The following GRM8 variants were observed in gnomAD, a reference collection of about 807,000 sequenced individuals.
The protein encoded by GRM8 is metabotropic glutamate receptor 8.
GRM8 carries 47 observed loss-of-function variants against 87.2 expected under a neutral mutation model. That is an observed-to-expected ratio of 0.54 (90% CI 0.43 to 0.69). The LOEUF is 0.69. Ranked by LOEUF, GRM8 falls within the 30% of genes least tolerant of loss-of-function variation. The pLI is 0.00. For missense variants in GRM8, 1,019 were observed against 1,139.2 expected, an observed-to-expected ratio of 0.89 and a Z score of 1.52; for synonymous variants, 396 against 404.5, an observed-to-expected ratio of 0.98 and a Z score of 0.25.
chr7:126,516,219 T>A (rs1812138043), intron 9 of GRM8, among the ~76,000 whole-genome samples: 1 of 151,976 alleles, frequency 6.6e-6, no homozygotes, highest in Admixed American at 6.6e-5. Flanking sequence ...TAATTATATT[T>A]TAGGATGCCA....
chr7:126,603,858 G>A (rs1798074246), intron 8 of GRM8, among the ~76,000 whole-genome samples: 1 of 152,014 alleles, frequency 6.6e-6, no homozygotes, highest in South Asian at 2.1e-4. Context: ...AACTGTCAAA[G>A]CAAGCAAAGG....
chr7:126,939,444 C>G (rs1012976083), intron 3 of GRM8, among the ~76,000 whole-genome samples: 1 of 152,170 alleles, frequency 6.6e-6, no homozygotes, highest in Non-Finnish European at 1.5e-5. Flanking sequence ...CATGGAAAAA[C>G]AATATCTCCC....
chr7:126,804,852 G>T (rs1401244276), intron 6 of GRM8, among the ~76,000 whole-genome samples: 4 of 152,042 alleles, frequency 2.6e-5, no homozygotes, highest in Admixed American at 2.6e-4. Context: ...ATAATTTGTA[G>T]GACTTTCAGA....
chr7:126,639,983 G>C (rs1479137047), intron 7 of GRM8, among the ~76,000 whole-genome samples: 1 of 152,138 alleles, frequency 6.6e-6, no homozygotes, highest in Admixed American at 6.6e-5. Context: ...TGAAATAAAA[G>C]CACTCCATGT....
intron 6 of GRM8, among the ~76,000 whole-genome samples, chr7:126,789,768 T>G (rs1821072723): frequency 1.3e-5 from 2 of 152,198 alleles, no homozygotes; most frequent in Non-Finnish European, 2.9e-5. Context: ...CAAGTTGCTT[T>G]TTGCTACTCC....
chr7:126,739,839 C>T (rs1164462082), intron 7 of GRM8, among the ~76,000 whole-genome samples: 1 of 151,928 alleles, frequency 6.6e-6, no homozygotes, highest in African/African-American at 2.4e-5. Context: ...ACACAAATAC[C>T]ATTGTGTATC....
At chr7:127,057,889 G>A (rs1820161281) in intron 3 of GRM8, among the ~76,000 whole-genome samples, 2 of 151,794 alleles carry the variant, frequency 1.3e-5, no homozygotes, top group Admixed American at 6.6e-5. Flanking sequence ...TTCTAAAGCT[G>A]CCTTGCAAGA....
intron 9 of GRM8, among the ~76,000 whole-genome samples, chr7:126,500,896 A>G (rs1809539587): frequency 6.6e-6 from 1 of 151,900 alleles, no homozygotes; most frequent in African/African-American, 2.4e-5. Context: ...TATTTTGTAG[A>G]CCATTAAGCT....
At chr7:127,174,409 C>G (rs1793979925) in intron 2 of GRM8, among the ~76,000 whole-genome samples, 1 of 152,184 alleles carries the variant, frequency 6.6e-6, no homozygotes, top group South Asian at 2.1e-4. Flanking sequence ...AGGATGCTTC[C>G]TGAGGTACTG....
At chr7:126,591,254 A>C (rs1796641996) in intron 8 of GRM8, among the ~76,000 whole-genome samples, 1 of 152,154 alleles carries the variant, frequency 6.6e-6, no homozygotes, top group South Asian at 2.1e-4. Context: ...ACAAACTTTA[A>C]AGCAACAGCA....
chr7:126,903,906 C>T (rs1802419556), intron 5 of GRM8, 66 bp downstream of exon 5: 2 of 931,512 alleles, frequency 2.1e-6, no homozygotes, highest in Non-Finnish European at 3.3e-6. Flanking sequence ...TATTATGATA[C>T]TCCAGTTTTG....
At chr7:126,899,841 T>C (rs1207995511) in intron 6 of GRM8, among the ~76,000 whole-genome samples, 2 of 152,084 alleles carry the variant, frequency 1.3e-5, no homozygotes, top group Non-Finnish European at 2.9e-5. Flanking sequence ...TCTCAAAACT[T>C]CTTGAAACAG....
chr7:126,475,160 G>A (rs545407906), intron 9 of GRM8, among the ~76,000 whole-genome samples: 15 of 151,976 alleles, frequency 9.9e-5, no homozygotes, highest in African/African-American at 3.4e-4. Context: ...AAAGATAAAC[G>A]TCATCCTAAT....
At chr7:127,251,456 T>G (rs921977197) in intron 1 of GRM8, among the ~76,000 whole-genome samples, 1 of 152,184 alleles carries the variant, frequency 6.6e-6, no homozygotes, top group African/African-American at 2.4e-5. Flanking sequence ...GCGGTCCATC[T>G]CTACCTCTCC....
At chr7:126,954,816 T>C (rs545476240) in intron 3 of GRM8, among the ~76,000 whole-genome samples, 1 of 152,304 alleles carries the variant, frequency 6.6e-6, no homozygotes, top group South Asian at 2.1e-4. Context: ...GTATTACTGT[T>C]TGCATTAAAA....
At chr7:126,604,314 T>TTGTTG (rs1798137264) in intron 8 of GRM8, among the ~76,000 whole-genome samples, 1 of 152,130 alleles carries the variant, frequency 6.6e-6, no homozygotes, top group African/African-American at 2.4e-5. Context: ...TACTTTGGGC[T>TTGTTG]TATTGTGTAG....
At chr7:126,965,800 C>A (rs975926284) in intron 3 of GRM8, among the ~76,000 whole-genome samples, 6 of 152,176 alleles carry the variant, frequency 3.9e-5, no homozygotes, top group Non-Finnish European at 8.8e-5. Flanking sequence ...AGTCACTTGG[C>A]ACACTGTGGA....
chr7:126,444,188 A>G (rs1265672979), intron 10 of GRM8, among the ~76,000 whole-genome samples: 1 of 152,056 alleles, frequency 6.6e-6, no homozygotes, highest in African/African-American at 2.4e-5. Context: ...TTGGCATCCT[A>G]TAATAGCTTT....
At position 126,769,845 on chromosome 7, in the gene GRM8, A is replaced by G. The variant is rs771670067; in HGVS notation, c.1357+20T>C. The stretch of plus-strand genomic sequence containing the variant: ...CCTGTCGCTTTTAATGTATTTAGAC[A>G]CACACACGTTGTAACTTACCATTAA... On this transcript the variant is annotated intron_variant, in intron 7 of 10. Coordinates refer to ENST00000339582, the MANE Select transcript of GRM8 (RefSeq NM_000845.3). 6.6e-7 allele frequency: 1 copy of G among 1,512,190 alleles called. No homozygotes were observed. The highest frequency in any genetic ancestry group is 9.2e-7 in the Non-Finnish European group (1 of 1,087,734). 93.7% of individuals were successfully genotyped at this position (1,512,190 alleles called of 1,614,324 possible).
Sources: gnomAD v4.1 joint callset for allele counts (sites outside exome capture counted in the v4.1 genomes callset) on GRCh38, gnomAD v4.1.1 for gene constraint, MANE v1.5 for transcripts, NCBI Gene and HGNC (gene_info 2026-07-23, HGNC 2026-07-21) for gene names.